CYP4F22: variants seen among roughly 807,000 people sequenced by gnomAD.
CYP4F22 encodes ultra-long-chain fatty acid omega-hydroxylase.
Under a neutral mutation model 60.4 loss-of-function variants are expected in CYP4F22, and 37 were observed. The ratio of observed to expected loss-of-function variants is 0.61; its 90% CI spans 0.47 to 0.81. The LOEUF is 0.81. Among genes scored for constraint, CYP4F22 ranks in the 30% least tolerant of loss-of-function variants. The probability of loss-of-function intolerance (pLI) is 0.00; values close to 1 mark genes in which losing one functional copy is unlikely to be tolerated. For missense variants in CYP4F22, 655 were observed against 715.0 expected (o/e 0.92, Z 0.96); for synonymous variants, 258 against 280.5 (o/e 0.92, Z 0.80).
chr19:15,540,889 A>T (rs1445588361), intron 8 of CYP4F22, among the ~76,000 whole-genome samples, 172 bp downstream of exon 8: 1 of 152,222 alleles, frequency 6.6e-6, no homozygotes, highest in Non-Finnish European at 1.5e-5. Flanking sequence ...ATTGGAGATC[A>T]GCCTGGGCAA....
At chr19:15,546,187 G>C (rs1373884327) in intron 10 of CYP4F22, among the ~76,000 whole-genome samples, 1 of 152,108 alleles carries the variant, frequency 6.6e-6, no homozygotes, top group Non-Finnish European at 1.5e-5. Flanking sequence ...TGTTGCCCAG[G>C]CTGCTCTCAA....
chr19:15,527,154 C>T (rs1971292027), intron 3 of CYP4F22, among the ~76,000 whole-genome samples: 1 of 152,124 alleles, frequency 6.6e-6, no homozygotes, highest in Non-Finnish European at 1.5e-5. Flanking sequence ...TGGTCCAGCC[C>T]CCTCCTTGAG....
chr19:15,525,026 G>C (rs946368688), intron 2 of CYP4F22, among the ~76,000 whole-genome samples: 1 of 152,162 alleles, frequency 6.6e-6, no homozygotes, highest in Non-Finnish European at 1.5e-5. Flanking sequence ...CATTGGTTGA[G>C]AGCTGCTCCT....
At position 15,512,324 on chromosome 19, in the gene CYP4F22, A is replaced by G. The variant is rs76747179; in HGVS notation, c.-109+3741A>G. 1.1e-4 allele frequency among the ~76,000 whole-genome samples: 17 copies of G among 152,266 alleles called. No homozygotes were observed. The East Asian group carries it at 3.3e-3, about 29-fold the overall frequency. ...TGTTGAAGTCAAAAGTGAACATTAA[A>G]TTAAATTAAATTAATTTTAGTTTTT... On this transcript the variant is annotated intron_variant, in intron 1 of 13. Coordinates refer to ENST00000269703, the MANE Select transcript of CYP4F22 (RefSeq NM_173483.4).
intron 12 of CYP4F22, among the ~76,000 whole-genome samples, chr19:15,549,756 G>C (rs994649007): frequency 2.6e-5 from 4 of 151,312 alleles, no homozygotes; most frequent in African/African-American, 9.7e-5. Flanking sequence ...TTTGAGGCCA[G>C]AAGTTCCAGC....
In CYP4F22 at chr19:15,540,571, C is replaced by T. The variant is rs144569785; in HGVS notation, c.793C>T (p.Arg265Trp). Residue 265 changes from arginine (R) to tryptophan (W), a missense_variant, in exon 8 of 14, where the codon CGG becomes TGG. Arg to Trp is a moderately radical substitution (Grantham distance 101). Coordinates refer to ENST00000269703, the MANE Select transcript of CYP4F22 (RefSeq NM_173483.4). ...YYRSADGRRF[R>W]QACDMVHHFT... ...CCGCTCGGCGGATGGGCGGAGGTTC[C>T]GGCAGGCCTGTGACATGGTGCACCA... The T allele has an allele frequency of 3.7e-5, 60 of 1,614,220 alleles. No homozygotes were observed. The highest frequency in any genetic ancestry group is 4.4e-5 in the Non-Finnish European group (52 of 1,180,046).
intron 1 of CYP4F22, chr19:15,516,732 C>A: frequency 1.7e-6 from 1 of 581,666 alleles, no homozygotes; most frequent in Non-Finnish European, 2.9e-6. Context: ...TTGGGGAAGT[C>A]TTTGTATTCA....
At chr19:15,520,140 C>T (rs574174123) in intron 1 of CYP4F22, among the ~76,000 whole-genome samples, 3 of 151,928 alleles carry the variant, frequency 2.0e-5, no homozygotes, top group Admixed American at 1.3e-4. Context: ...GTCAGCAGAT[C>T]GAGACCATCC....
intron 3 of CYP4F22, among the ~76,000 whole-genome samples, chr19:15,528,939 CTATTTT>C (rs951092872): frequency 1.3e-5 from 2 of 152,020 alleles, no homozygotes; most frequent in Admixed American, 1.3e-4. Context: ...TTTATCATTA[CTATTTT>C]TATTTTTATT....
intron 3 of CYP4F22, 86 bp from the exon 4 acceptor site, chr19:15,529,623 T>C: frequency 1.3e-6 from 2 of 1,570,274 alleles, no homozygotes; most frequent in South Asian, 2.3e-5. Flanking sequence ...GGGCTTGTTT[T>C]GAGACTACAG....
chr19:15,540,741 G>GGAGCC (rs763303179), intron 8 of CYP4F22, 24 bp downstream of exon 8: 13 of 1,480,360 alleles, frequency 8.8e-6, no homozygotes, highest in Non-Finnish European at 1.2e-5. Context: ...CCCTGGAATT[G>GGAGCC]CTGGCCTCCC....
intron 1 of CYP4F22, among the ~76,000 whole-genome samples, chr19:15,509,479 C>T (rs1401900150): frequency 1.3e-5 from 2 of 152,094 alleles, no homozygotes; most frequent in Non-Finnish European, 2.9e-5. Flanking sequence ...ATTTCTAGGT[C>T]CTGGAGCTGT....
At chr19:15,523,333 C>G (rs184397961) in intron 1 of CYP4F22, among the ~76,000 whole-genome samples, 2 of 152,102 alleles carry the variant, frequency 1.3e-5, no homozygotes, top group African/African-American at 4.8e-5. Flanking sequence ...GCACTTCAGC[C>G]TGGGCAACAA....
At chr19:15,541,493 A>ATAGCCTGAGG (rs1397759189) in intron 8 of CYP4F22, among the ~76,000 whole-genome samples, 1 of 148,260 alleles carries the variant, frequency 6.7e-6, no homozygotes, top group African/African-American at 2.5e-5. Context: ...AAACACGGTC[A>ATAGCCTGAGG]TAGCCTGAGG....
At chr19:15,522,384 C>T (rs947067191) in intron 1 of CYP4F22, among the ~76,000 whole-genome samples, 2 of 151,984 alleles carry the variant, frequency 1.3e-5, no homozygotes, top group Non-Finnish European at 2.9e-5. Flanking sequence ...ATAAAAATTT[C>T]ACTTCTGCAG....
At chr19:15,529,139 T>A (rs1599798858) in intron 3 of CYP4F22, among the ~76,000 whole-genome samples, 1 of 151,350 alleles carries the variant, frequency 6.6e-6, no homozygotes, top group Non-Finnish European at 1.5e-5. Flanking sequence ...TTTTATTTTT[T>A]TTTTTTGAGG....
At chr19:15,539,571 A>G (rs766897083) in intron 7 of CYP4F22, among the ~76,000 whole-genome samples, 18 of 152,248 alleles carry the variant, frequency 1.2e-4, no homozygotes, top group Non-Finnish European at 2.4e-4. Flanking sequence ...TTGCTGGGTC[A>G]TACGGTAATT....
At chr19:15,524,365 A>G (rs895291416) in intron 2 of CYP4F22, among the ~76,000 whole-genome samples, 3 of 152,182 alleles carry the variant, frequency 2.0e-5, no homozygotes, top group Non-Finnish European at 4.4e-5. Flanking sequence ...ATGTTCTGAA[A>G]CTAGCTGGGT....
chr19:15,516,798 G>T, intron 1 of CYP4F22: 1 of 546,510 alleles, frequency 1.8e-6, no homozygotes, highest in Non-Finnish European at 2.9e-6. Flanking sequence ...GATCTCATGA[G>T]AGGTCCATGG....
Sources: gnomAD v4.1 joint callset for allele counts (sites outside exome capture counted in the v4.1 genomes callset) on GRCh38, gnomAD v4.1.1 for gene constraint, MANE v1.5 for transcripts, NCBI Gene and HGNC (gene_info 2026-07-23, HGNC 2026-07-21) for gene names.